The following ST18 variants were observed in gnomAD, a reference collection of about 807,000 sequenced individuals.
ST18 encodes the protein suppression of tumorigenicity 18 protein.
A neutral mutation model predicts 110.0 loss-of-function variants in ST18; 50 were observed. The observed-to-expected ratio is 0.45, with a 90% CI of 0.36 to 0.58. ST18 has a LOEUF of 0.58. Among genes scored for constraint, ST18 ranks in the 20% least tolerant of loss-of-function variants. The pLI is 0.00. For synonymous variants in ST18, 461 were observed against 452.4 expected (o/e 1.02, Z -0.24); for missense variants, 1,306 against 1,280.1 (o/e 1.02, Z -0.31).
chr8:52,270,083 T>C (rs2095023996), intron 2 of ST18, among the ~76,000 whole-genome samples: 1 of 152,204 alleles, frequency 6.6e-6, no homozygotes, highest in Non-Finnish European at 1.5e-5. Flanking sequence ...TAGAGAAAAT[T>C]TGGAAAATAA....
intron 2 of ST18, among the ~76,000 whole-genome samples, chr8:52,362,384 G>C (rs1826079124): frequency 6.6e-6 from 1 of 152,192 alleles, no homozygotes; most frequent in Admixed American, 6.5e-5. Flanking sequence ...AGCACAGTTA[G>C]GTGAGTAGCC....
intron 2 of ST18, among the ~76,000 whole-genome samples, chr8:52,357,704 TATATATATATATATATATA>T (rs1564568385): frequency 0.021 from 2,407 of 113,876 alleles, 148 homozygotes; most frequent in African/African-American, 0.074. Context: ...TATATATATA[TATATATATATATATATATA>T]TATATATAAA....
At chr8:52,188,588 C>T (rs753844749) in intron 8 of ST18, among the ~76,000 whole-genome samples, 6 of 152,102 alleles carry the variant, frequency 3.9e-5, no homozygotes, top group African/African-American at 9.7e-5. Context: ...GATAGAGTGA[C>T]GGGCTGATTT....
At chr8:52,292,416 G>T (rs1004303439) in intron 2 of ST18, among the ~76,000 whole-genome samples, 2 of 152,162 alleles carry the variant, frequency 1.3e-5, no homozygotes, top group Non-Finnish European at 2.9e-5. Context: ...TGACAGAAAT[G>T]CTTGATTAAA....
intron 2 of ST18, among the ~76,000 whole-genome samples, chr8:52,387,860 G>T (rs1837470796): frequency 6.6e-6 from 1 of 152,146 alleles, no homozygotes; most frequent in Non-Finnish European, 1.5e-5. Flanking sequence ...AAGTAAAAGT[G>T]ACACGATCAG....
intron 2 of ST18, among the ~76,000 whole-genome samples, chr8:52,292,455 A>G (rs975151492): frequency 1.3e-5 from 2 of 152,210 alleles, no homozygotes; most frequent in Non-Finnish European, 2.9e-5. Flanking sequence ...ACTATCTGCT[A>G]GGAGATGTGA....
At chr8:52,149,597 A>T (rs1161780518) in intron 16 of ST18, 135 bp downstream of exon 16, 4 of 1,276,824 alleles carry the variant, frequency 3.1e-6, no homozygotes, top group Admixed American at 6.4e-5. Context: ...TCACCACTTT[A>T]TCAAAATCTA....
intron 6 of ST18, among the ~76,000 whole-genome samples, chr8:52,214,730 C>T (rs1183495326): frequency 3.9e-5 from 6 of 152,064 alleles, no homozygotes; most frequent in South Asian, 2.1e-4. Context: ...AAGACAAACC[C>T]CTCAAATGCC....
At chr8:52,343,672 G>T (rs1195041548) in intron 2 of ST18, among the ~76,000 whole-genome samples, 2 of 152,262 alleles carry the variant, frequency 1.3e-5, no homozygotes, top group East Asian at 1.9e-4. Flanking sequence ...TAAAATGGTC[G>T]CTATGAATCA....
chr8:52,280,913 A>G (rs192925398), intron 2 of ST18, among the ~76,000 whole-genome samples: 2 of 152,248 alleles, frequency 1.3e-5, no homozygotes, highest in East Asian at 1.9e-4. Flanking sequence ...CTTTATAAAC[A>G]TACATAGAAC....
At chr8:52,239,358 T>C (rs1212917428) in intron 2 of ST18, among the ~76,000 whole-genome samples, 1 of 152,182 alleles carries the variant, frequency 6.6e-6, no homozygotes, top group African/African-American at 2.4e-5. Context: ...GTATGTGAAT[T>C]ATATCTCAAG....
chr8:52,371,046 A>C (rs1830102580), intron 2 of ST18, among the ~76,000 whole-genome samples: 1 of 152,218 alleles, frequency 6.6e-6, no homozygotes, highest in Admixed American at 6.5e-5. Context: ...GCTACTATGT[A>C]TATAAACTCA....
intron 10 of ST18, among the ~76,000 whole-genome samples, chr8:52,170,562 G>A (rs2064554555): frequency 6.6e-6 from 1 of 151,914 alleles, no homozygotes; most frequent in African/African-American, 2.4e-5. Context: ...TGGATTTCGG[G>A]AATTTTGAGT....
chr8:52,375,569 G>T (rs1832019869), intron 2 of ST18, among the ~76,000 whole-genome samples: 1 of 152,016 alleles, frequency 6.6e-6, no homozygotes, highest in African/African-American at 2.4e-5. Flanking sequence ...CCCTTCACTG[G>T]TTGCTCCTAC....
chr8:52,341,417 T>C (rs1258247520), intron 2 of ST18, among the ~76,000 whole-genome samples: 1 of 152,192 alleles, frequency 6.6e-6, no homozygotes, highest in Non-Finnish European at 1.5e-5. Flanking sequence ...TGCACATCTA[T>C]TTGTGTTGAG....
At chr8:52,233,016 G>A (rs7814310) in intron 2 of ST18, among the ~76,000 whole-genome samples, 1,770 of 152,158 alleles carry the variant, frequency 0.012, 38 homozygotes, top group African/African-American at 0.041. Flanking sequence ...GCCACCTATT[G>A]TTTTTGCTGT....
intron 15 of ST18, chr8:52,150,694 A>C (rs1410614963): frequency 2.0e-5 from 3 of 152,230 alleles, no homozygotes; most frequent in Non-Finnish European, 4.4e-5. Context: ...CAAACTTAAG[A>C]ATACTATAAA....
chr8:52,140,967 T>A (rs2131993310), intron 17 of ST18, among the ~76,000 whole-genome samples: 1 of 152,254 alleles, frequency 6.6e-6, no homozygotes, highest in East Asian at 1.9e-4. Flanking sequence ...CTGGCTGGCC[T>A]AAGTGGCTTC....
At chr8:52,182,099 T>C (rs1265309637) in intron 8 of ST18, among the ~76,000 whole-genome samples, 1 of 152,134 alleles carries the variant, frequency 6.6e-6, no homozygotes, top group Non-Finnish European at 1.5e-5. Context: ...CCAAGATTTG[T>C]AGCAAATGGG....
Sources: gnomAD v4.1 joint callset for allele counts (sites outside exome capture counted in the v4.1 genomes callset) on GRCh38, gnomAD v4.1.1 for gene constraint, MANE v1.5 for transcripts, NCBI Gene and HGNC (gene_info 2026-07-23, HGNC 2026-07-21) for gene names.